Variants in DCAF1 observed in about 807,000 individuals in gnomAD.
DCAF1 encodes DDB1- and CUL4-associated factor 1.
DCAF1 carries 15 observed loss-of-function variants against 128.0 expected under a neutral mutation model. The observed-to-expected ratio is 0.12, with a 90% CI of 0.08 to 0.18. The LOEUF (loss-of-function observed/expected upper bound fraction) is 0.18. Ranked by LOEUF, DCAF1 falls within the 10% of genes least tolerant of loss-of-function variation. The pLI, the probability that DCAF1 is intolerant of heterozygous loss-of-function variation, is 1.00. For synonymous variants in DCAF1, 610 were observed against 603.0 expected (o/e 1.01, Z -0.17); for missense variants, 988 against 1,649.5 (o/e 0.60, Z 6.95).
intron 2 of DCAF1, among the ~76,000 whole-genome samples, chr3:51,487,782 C>T (rs1707142700): frequency 6.6e-6 from 1 of 152,020 alleles, no homozygotes; most frequent in Non-Finnish European, 1.5e-5. Flanking sequence ...CTCAAGCAAT[C>T]TTCCTGCCTC....
chr3:51,472,656 T>C (rs1704891419), intron 3 of DCAF1, among the ~76,000 whole-genome samples: 1 of 152,024 alleles, frequency 6.6e-6, no homozygotes, highest in Non-Finnish European at 1.5e-5. Context: ...TGAAAAGTTC[T>C]GTTTCATTAA....
chr3:51,492,243 T>C (rs890420323), intron 2 of DCAF1, among the ~76,000 whole-genome samples: 2 of 150,714 alleles, frequency 1.3e-5, no homozygotes, highest in Non-Finnish European at 3.0e-5. Flanking sequence ...TATGCGAAAA[T>C]GGGCCGAGTG....
intron 17 of DCAF1, among the ~76,000 whole-genome samples, 200 bp downstream of exon 17, chr3:51,417,916 T>C (rs1553630949): frequency 1.3e-5 from 2 of 151,864 alleles, no homozygotes. Context: ...ATAATGAGAA[T>C]GTATATACCT....
At chr3:51,396,501 AACTT>A (rs77288260), downstream of DCAF1, 17,872 of 166,946 alleles carry the variant, frequency 0.11, 1,932 homozygotes, top group East Asian at 0.33. Flanking sequence ...CCACTGAGAA[AACTT>A]ACTTACTTCA....
chr3:51,503,590 A>G (rs1163423495), upstream of DCAF1, among the ~76,000 whole-genome samples: 1 of 152,120 alleles, frequency 6.6e-6, no homozygotes, highest in Non-Finnish European at 1.5e-5. Flanking sequence ...CAAGACTGCT[A>G]CTGCAAGTGT....
At chr3:51,490,741 A>G (rs1441660981) in intron 2 of DCAF1, among the ~76,000 whole-genome samples, 4 of 151,872 alleles carry the variant, frequency 2.6e-5, no homozygotes, top group African/African-American at 9.7e-5. Context: ...CCTGGCCAAC[A>G]TGGTGAAACC....
intron 24 of DCAF1, 46 bp from the exon 25 acceptor site, chr3:51,398,873 T>C (rs781817030): frequency 1.2e-5 from 18 of 1,556,160 alleles, no homozygotes; most frequent in Non-Finnish European, 1.4e-5. Flanking sequence ...ACTAGGCTTA[T>C]AGGAAGCTTT....
intron 3 of DCAF1, among the ~76,000 whole-genome samples, chr3:51,475,681 G>A (rs1027063389): frequency 1.4e-4 from 21 of 152,250 alleles, no homozygotes; most frequent in African/African-American, 5.1e-4. Flanking sequence ...CTAACACGGC[G>A]AAAGCCCGTC....
intron 17 of DCAF1, 118 bp downstream of exon 17, chr3:51,417,998 T>G: frequency 7.6e-7 from 1 of 1,314,060 alleles, no homozygotes; most frequent in Non-Finnish European, 1.0e-6. Context: ...AAGAGAGAAG[T>G]TAACAATAAC....
chr3:51,405,615 C>T (rs192877565), intron 23 of DCAF1, among the ~76,000 whole-genome samples: 138 of 152,298 alleles, frequency 9.1e-4, no homozygotes, highest in African/African-American at 3.2e-3. Flanking sequence ...TCTCACCATG[C>T]ATTTTGTCAC....
chr3:51,450,398 A>C (rs1209602942), intron 6 of DCAF1, among the ~76,000 whole-genome samples: 1 of 152,248 alleles, frequency 6.6e-6, no homozygotes, highest in Non-Finnish European at 1.5e-5. Context: ...ATTCAGCAGC[A>C]TAAGAGGATT....
At chr3:51,456,689 C>T (rs1234645459) in intron 6 of DCAF1, among the ~76,000 whole-genome samples, 13 of 152,206 alleles carry the variant, frequency 8.5e-5, no homozygotes, top group African/African-American at 1.4e-4. Flanking sequence ...ACACCTCACA[C>T]GGCTGGGTAC....
intron 17 of DCAF1, among the ~76,000 whole-genome samples, chr3:51,417,517 A>G (rs782692163): frequency 5.3e-5 from 8 of 149,624 alleles, no homozygotes; most frequent in Non-Finnish European, 1.0e-4. Context: ...TCAGGAGATC[A>G]ACACCATCCT....
rs1285239044 is a variant in DCAF1 at position 51,441,253 on chromosome 3, G to T, written c.1026+132C>A. 3.9e-6 allele frequency: 5 copies of T among 1,273,942 alleles called. No homozygotes were observed. In the East Asian group the frequency reaches 1.3e-4, roughly 32 times the overall value. 78.9% of individuals were successfully genotyped at this position (1,273,942 alleles called of 1,614,324 possible). On this transcript the variant is annotated intron_variant, in intron 8 of 24. Transcript: ENST00000684031. ...ATCAGGAATGACCTGCATAAGACTT[G>T]AACAGTTTCATGCAAACCCTTGTTT...
chr3:51,477,672 C>T (rs1050062294), intron 3 of DCAF1, among the ~76,000 whole-genome samples: 1 of 151,980 alleles, frequency 6.6e-6, no homozygotes, highest in Non-Finnish European at 1.5e-5. Context: ...TCCACTGCCT[C>T]GCTATGCAGT....
downstream of DCAF1, chr3:51,396,030 A>G (rs1324305951): frequency 9.7e-6 from 4 of 412,080 alleles, no homozygotes; most frequent in African/African-American, 4.1e-5. Flanking sequence ...GTCCTGTTGC[A>G]GGCACACTGC....
intron 6 of DCAF1, among the ~76,000 whole-genome samples, chr3:51,461,872 T>TGGAC: frequency 6.6e-6 from 1 of 151,630 alleles, no homozygotes; most frequent in African/African-American, 2.4e-5. Flanking sequence ...TGAGAACACA[T>TGGAC]GGACACAGGA....
chr3:51,486,782 C>T (rs547707718), intron 2 of DCAF1, among the ~76,000 whole-genome samples: 22 of 151,666 alleles, frequency 1.5e-4, no homozygotes, highest in African/African-American at 4.6e-4. Flanking sequence ...TACAGATACA[C>T]GCCAGCATGC....
chr3:51,451,459 C>T (rs536729304), intron 6 of DCAF1, among the ~76,000 whole-genome samples: 37 of 151,066 alleles, frequency 2.4e-4, no homozygotes, highest in African/African-American at 8.5e-4. Context: ...TCTATTTTTT[C>T]GTATATATTT....
Sources: gnomAD v4.1 joint callset for allele counts (sites outside exome capture counted in the v4.1 genomes callset) on GRCh38, gnomAD v4.1.1 for gene constraint, MANE v1.5 for transcripts, NCBI Gene and HGNC (gene_info 2026-07-23, HGNC 2026-07-21) for gene names.